Variants in PRPF6 observed in about 807,000 individuals in gnomAD.
The protein encoded by PRPF6 is pre-mRNA-processing factor 6.
In PRPF6, 42 loss-of-function variants were observed where a neutral mutation model predicts 118.3. The observed-to-expected ratio is 0.35, with a 90% CI of 0.28 to 0.46. PRPF6 has a LOEUF of 0.46. Among genes scored for constraint, PRPF6 ranks in the 20% least tolerant of loss-of-function variants. The probability of loss-of-function intolerance (pLI) is 1.00; values close to 1 mark genes in which losing one functional copy is unlikely to be tolerated. For missense variants in PRPF6, 662 were observed against 1,255.7 expected (o/e 0.53, Z 7.15); for synonymous variants, 481 against 485.1 (o/e 0.99, Z 0.11).
chr20:63,981,344 C>T, intron 1 of PRPF6, 28 bp downstream of exon 1: 4 of 1,556,464 alleles, frequency 2.6e-6, no homozygotes, highest in Non-Finnish European at 3.5e-6. Context: ...GCGCGAGGGG[C>T]GGGGACCCGG....
At chr20:63,990,262 A>G (rs2059112598) in intron 3 of PRPF6, among the ~76,000 whole-genome samples, 1 of 152,124 alleles carries the variant, frequency 6.6e-6, no homozygotes, top group African/African-American at 2.4e-5. Flanking sequence ...GCCTCCCACC[A>G]GGCCCCACCT....
intron 12 of PRPF6, among the ~76,000 whole-genome samples, chr20:64,018,721 C>A (rs566776335): frequency 2.0e-5 from 3 of 152,076 alleles, no homozygotes; most frequent in Admixed American, 1.3e-4. Flanking sequence ...CCTCAGCCTC[C>A]CAAAGTATGT....
intron 5 of PRPF6, 52 bp downstream of exon 5, chr20:63,995,144 T>C: frequency 6.2e-7 from 1 of 1,611,400 alleles, no homozygotes; most frequent in East Asian, 2.2e-5. Flanking sequence ...GTTAGATCAG[T>C]GGCAGGAATG....
intron 3 of PRPF6, among the ~76,000 whole-genome samples, chr20:63,986,345 CAAA>C (rs931360870): frequency 2.0e-4 from 9 of 45,328 alleles, no homozygotes; most frequent in African/African-American, 3.1e-4. Flanking sequence ...GACTCCATCT[CAAA>C]AAAAAAAAAA....
In PRPF6 at chr20:64,026,206, T is replaced by G; in HGVS notation, c.2028+148T>G. The G allele has an allele frequency of 6.9e-7, 1 of 1,448,214 alleles. No homozygotes were observed. The highest frequency in any genetic ancestry group is 9.4e-7 in the Non-Finnish European group (1 of 1,068,636). 89.7% of individuals were successfully genotyped at this position (1,448,214 alleles called of 1,614,324 possible). On this transcript the variant is annotated intron_variant, in intron 15 of 20. Coordinates refer to ENST00000266079, the MANE Select transcript of PRPF6 (RefSeq NM_012469.4). This position sits in a 1 kb window ranked among gnomAD's most constrained non-coding sequence, Gnocchi z 4.4. The stretch of plus-strand genomic sequence containing the variant: ...CATCTTTGTGATGTGACTAAAACAT[T>G]CATGTGGCCGGGCGTGGTGGCCGGG...
At chr20:64,032,765 G>T (rs45590942) in intron 20 of PRPF6, 76 bp from the exon 21 acceptor site, 3 of 1,535,076 alleles carry the variant, frequency 2.0e-6, no homozygotes, top group African/African-American at 2.7e-5. Flanking sequence ...GTCTGCAGGG[G>T]CCAGGCGAGA....
chr20:64,030,877 G>C (rs575919109), intron 19 of PRPF6, among the ~76,000 whole-genome samples: 2 of 152,242 alleles, frequency 1.3e-5, no homozygotes, highest in African/African-American at 4.8e-5. Flanking sequence ...GCCCGGAGTG[G>C]AGGCTCCTCG....
chr20:64,027,269 G>A lies in PRPF6; in HGVS notation c.2205+111G>A. 1 of 1,387,302 alleles carries A rather than the reference G, an allele frequency of 7.2e-7. No homozygotes were observed. The highest frequency in any genetic ancestry group is 1.0e-6 in the Non-Finnish European group (1 of 999,590). 85.9% of individuals were successfully genotyped at this position (1,387,302 alleles called of 1,614,324 possible). On this transcript the variant is annotated intron_variant, in intron 16 of 20. Transcript: ENST00000266079. This position sits in a 1 kb window ranked among gnomAD's most constrained non-coding sequence, Gnocchi z 6.5. Reference sequence around the variant, plus strand: ...CTCTGAGGAGATGTGGAGGGCTGGGGGTTACAGCTGATGGAGCTGCAGACT... The same window carrying A: ...CTCTGAGGAGATGTGGAGGGCTGGGAGTTACAGCTGATGGAGCTGCAGACT...
intron 3 of PRPF6, among the ~76,000 whole-genome samples, chr20:63,990,945 C>T (rs111367081): frequency 0.011 from 1,702 of 151,904 alleles, 40 homozygotes; most frequent in African/African-American, 0.039. Flanking sequence ...TGAGCCACCA[C>T]GCCAGGCTCA....
At chr20:64,019,602 C>G (rs1198793548) in intron 12 of PRPF6, among the ~76,000 whole-genome samples, 1 of 152,194 alleles carries the variant, frequency 6.6e-6, no homozygotes, top group Non-Finnish European at 1.5e-5. Flanking sequence ...TGTGAAGGTC[C>G]AAGGAGGCGA....
intron 7 of PRPF6, among the ~76,000 whole-genome samples, 186 bp from the exon 8 acceptor site, chr20:63,999,417 T>C (rs2059156027): frequency 6.6e-6 from 1 of 152,212 alleles, no homozygotes. Flanking sequence ...TTCTCAGCGT[T>C]TGTCTGCGGG....
At chr20:63,994,243 C>T (rs1242020985) in intron 4 of PRPF6, among the ~76,000 whole-genome samples, 8 of 151,188 alleles carry the variant, frequency 5.3e-5, no homozygotes, top group Non-Finnish European at 8.8e-5. Flanking sequence ...CCGCAACCTC[C>T]GCCTCCCAGG....
intron 1 of PRPF6, among the ~76,000 whole-genome samples, chr20:63,982,332 C>T (rs190662023): frequency 1.1e-3 from 162 of 152,230 alleles, no homozygotes; most frequent in African/African-American, 3.8e-3. Flanking sequence ...CTACCACGCC[C>T]GGCTAATTTT....
chr20:64,004,511 C>T (rs972413799), intron 9 of PRPF6, among the ~76,000 whole-genome samples: 3 of 152,196 alleles, frequency 2.0e-5, no homozygotes, highest in African/African-American at 7.2e-5. Context: ...AGGACACCTG[C>T]CAGCCAGGGA....
chr20:64,031,110 C>T (rs577926100), intron 19 of PRPF6, among the ~76,000 whole-genome samples: 5 of 152,220 alleles, frequency 3.3e-5, no homozygotes, highest in African/African-American at 9.6e-5. Flanking sequence ...CTGGCAGGCA[C>T]GGCGGTGTGA....
chr20:64,019,123 C>T (rs2059252208), intron 12 of PRPF6, among the ~76,000 whole-genome samples: 2 of 129,186 alleles, frequency 1.5e-5, no homozygotes, highest in South Asian at 5.2e-4. Context: ...GGGACAGAGT[C>T]TCACTCTGTC....
chr20:63,983,347 C>A, intron 2 of PRPF6, 132 bp downstream of exon 2: 1 of 1,146,718 alleles, frequency 8.7e-7, no homozygotes, highest in Non-Finnish European at 1.3e-6. Context: ...ATTCATGGAA[C>A]ATCTTTACTG....
intron 6 of PRPF6, 68 bp downstream of exon 6, chr20:63,995,550 T>C (rs747640467): frequency 8.9e-6 from 14 of 1,569,028 alleles, no homozygotes; most frequent in Non-Finnish European, 1.0e-5. Flanking sequence ...TGTTTTCTTT[T>C]TCTCCTTCTT....
chr20:64,018,403 G>A (rs943353011), intron 12 of PRPF6, among the ~76,000 whole-genome samples: 3 of 152,086 alleles, frequency 2.0e-5, no homozygotes, highest in South Asian at 2.1e-4. Flanking sequence ...TGTCTCCTCC[G>A]GGTTGGGTTG....
Sources: allele counts gnomAD v4.1 joint callset (sites outside exome capture counted in the v4.1 genomes callset), GRCh38; gene constraint gnomAD v4.1.1; non-coding constraint Gnocchi (gnomAD v3.1); transcripts MANE v1.5; gene names NCBI Gene and HGNC (gene_info 2026-07-23, HGNC 2026-07-21).